Variants in FAM110B observed in about 807,000 individuals in gnomAD.
FAM110B encodes the protein protein FAM110B.
Under a neutral mutation model 20.4 loss-of-function variants are expected in FAM110B, and 6 were observed. The observed-to-expected ratio is 0.29, with a 90% CI of 0.16 to 0.58. The LOEUF (loss-of-function observed/expected upper bound fraction) is 0.58. Ranked by LOEUF, FAM110B falls within the 20% of genes least tolerant of loss-of-function variation. FAM110B has a pLI of 0.90. For missense variants in FAM110B, 434 were observed against 498.2 expected (o/e 0.87, Z 1.23); for synonymous variants, 226 against 214.1 (o/e 1.06, Z -0.49).
chr8:58,124,593 C>T (rs1807445529), intron 3 of FAM110B, among the ~76,000 whole-genome samples: 1 of 152,226 alleles, frequency 6.6e-6, no homozygotes, highest in African/African-American at 2.4e-5. Flanking sequence ...TAGGAAGGCG[C>T]ATCCTAAATA....
chr8:58,082,033 A>G lies in FAM110B; in HGVS notation c.-325+6410A>G, dbSNP rs546825387. Among the ~76,000 whole-genome samples the G allele has an allele frequency of 3.9e-5, 6 of 152,318 alleles. No individual in the cohort carries two copies. The South Asian group carries it at 1.2e-3, about 32-fold the overall frequency. ...AGGCTCTTAGATGCTCAAGGGGATG[A>G]ATAAATAAGCCTTGCCCTCCCAACT... On this transcript the variant is annotated intron_variant, in intron 3 of 3. Coordinates refer to ENST00000519262, the MANE Select transcript of FAM110B (RefSeq NM_001377989.1).
chr8:58,014,931 A>C (rs865795686), intron 1 of FAM110B, among the ~76,000 whole-genome samples: 3 of 152,232 alleles, frequency 2.0e-5, no homozygotes, highest in Non-Finnish European at 2.9e-5. Context: ...TAGGCCATGA[A>C]AATGTACTTA....
At chr8:57,995,800 G>C (rs1205368289) in intron 1 of FAM110B, among the ~76,000 whole-genome samples, 1 of 152,216 alleles carries the variant, frequency 6.6e-6, no homozygotes, top group African/African-American at 2.4e-5. Flanking sequence ...CTAAAAAATA[G>C]GCAACCTCTG....
At position 58,148,403 on chromosome 8, in the gene FAM110B, TA is replaced by T; in HGVS notation, c.*1061del. On this transcript the variant is annotated 3_prime_UTR_variant, in exon 4 of 4. Transcript: ENST00000519262. The stretch of plus-strand genomic sequence containing the variant: ...CGTGATTCTGTTGTCTTGCATATGT[TA>T]TTCTCTCAGGCTGTGGATCTTTGTT... The T allele has an allele frequency of 6.0e-6, 1 of 167,198 alleles. No homozygotes were observed. The highest frequency in any genetic ancestry group is 1.9e-4 in the East Asian group (1 of 5,186). The allele number at this position is 167,198 out of a possible 1,614,324, so 10.4% of individuals were successfully genotyped here. A position where few individuals can be genotyped will look rare whatever the true frequency, so the allele number is the denominator to read the frequency against.
chr8:58,136,279 G>T (rs535547772), intron 3 of FAM110B, among the ~76,000 whole-genome samples: 15 of 152,020 alleles, frequency 9.9e-5, no homozygotes, highest in Non-Finnish European at 1.9e-4. Flanking sequence ...CAAAGTGCTG[G>T]GATTATAGGC....
At chr8:58,049,951 A>G (rs747166834) in intron 2 of FAM110B, among the ~76,000 whole-genome samples, 1 of 152,246 alleles carries the variant, frequency 6.6e-6, no homozygotes, top group African/African-American at 2.4e-5. Context: ...ATTTTGATGA[A>G]TAAAAGATGA....
chr8:58,070,729 C>T (rs1301945827), intron 2 of FAM110B, among the ~76,000 whole-genome samples: 1 of 152,134 alleles, frequency 6.6e-6, no homozygotes, highest in Admixed American at 6.5e-5. Flanking sequence ...GCATTGAGTC[C>T]ACACTGTCCT....
intron 3 of FAM110B, among the ~76,000 whole-genome samples, chr8:58,076,599 G>A (rs1806043373): frequency 6.6e-6 from 1 of 152,186 alleles, no homozygotes. Context: ...AAAGAGCTAA[G>A]GAAGTGGAAG....
intron 3 of FAM110B, among the ~76,000 whole-genome samples, chr8:58,131,163 C>T (rs1452227040): frequency 6.6e-6 from 1 of 152,200 alleles, no homozygotes; most frequent in African/African-American, 2.4e-5. Context: ...TCATTATTCT[C>T]TGGGTTCAAA....
intron 3 of FAM110B, among the ~76,000 whole-genome samples, chr8:58,102,318 G>T (rs180737636): frequency 5.3e-4 from 80 of 152,254 alleles, no homozygotes; most frequent in African/African-American, 1.8e-3. Context: ...CTGTTTGAGA[G>T]CAAAAATATT....
intron 1 of FAM110B, among the ~76,000 whole-genome samples, chr8:58,015,874 G>A (rs1465653591): frequency 1.3e-5 from 2 of 150,600 alleles, no homozygotes; most frequent in Non-Finnish European, 3.0e-5. Context: ...AAAGAAAAAA[G>A]GCATGAGGAT....
intron 1 of FAM110B, among the ~76,000 whole-genome samples, chr8:58,026,832 T>C (rs997876953): frequency 3.3e-5 from 5 of 152,226 alleles, no homozygotes; most frequent in African/African-American, 9.6e-5. Context: ...ATGGTCATGC[T>C]TCTACATAGG....
chr8:58,019,205 G>A (rs1804694709), intron 1 of FAM110B, among the ~76,000 whole-genome samples: 1 of 151,624 alleles, frequency 6.6e-6, no homozygotes, highest in African/African-American at 2.4e-5. Context: ...GGGTGTGGTG[G>A]CACATGCCTG....
At chr8:58,053,667 A>G (rs1186429827) in intron 2 of FAM110B, among the ~76,000 whole-genome samples, 1 of 152,212 alleles carries the variant, frequency 6.6e-6, no homozygotes, top group African/African-American at 2.4e-5. Flanking sequence ...ATTTTAGACC[A>G]GAGTTTTGGT....
chr8:58,078,460 T>C (rs746292752), intron 3 of FAM110B, among the ~76,000 whole-genome samples: 20 of 152,178 alleles, frequency 1.3e-4, no homozygotes, highest in Non-Finnish European at 2.6e-4. Context: ...TTTTTGTTTC[T>C]TGTTATCTTA....
chr8:58,095,130 T>A (rs1806589360), intron 3 of FAM110B, among the ~76,000 whole-genome samples: 1 of 152,222 alleles, frequency 6.6e-6, no homozygotes, highest in African/African-American at 2.4e-5. Context: ...TCTATTTGAT[T>A]CTTCTCTCCT....
At chr8:58,128,309 A>G (rs1807563554) in intron 3 of FAM110B, among the ~76,000 whole-genome samples, 1 of 152,192 alleles carries the variant, frequency 6.6e-6, no homozygotes, top group Non-Finnish European at 1.5e-5. Flanking sequence ...CTCTGCGTTC[A>G]GTGTTCCACG....
rs775570169 is a variant in FAM110B, at chr8:58,146,269, G to T, written c.39G>T (p.Lys13Asn). 6.2e-7 allele frequency: 1 copy of T among 1,611,396 alleles called. No individual in the cohort carries two copies. The highest frequency in any genetic ancestry group is 8.5e-7 in the Non-Finnish European group (1 of 1,178,294). The stretch of plus-strand genomic sequence containing the variant: ...CCCTACAGACAGGTAGCATGGTGAA[G>T]CCGGTCAGCCCCGCGGGCACCTTCA... ...TETLQTGSMV[K>N]PVSPAGTFTS... Residue 13 changes from lysine to asparagine, a missense_variant, in exon 4 of 4, where the codon AAG becomes AAT. By Grantham distance (94) the Lys-to-Asn change is moderately conservative (BLOSUM62 0). This residue lies in a region of FAM110B where 56 missense variants were observed against 82.1 expected (regional missense o/e 0.68). Transcript: ENST00000519262.
At chr8:58,136,852 A>G (rs1427935995) in intron 3 of FAM110B, among the ~76,000 whole-genome samples, 1 of 152,230 alleles carries the variant, frequency 6.6e-6, no homozygotes, top group African/African-American at 2.4e-5. Context: ...CTTTACTTAC[A>G]AATGAAAATG....
Sources: gnomAD v4.1 joint callset for allele counts (sites outside exome capture counted in the v4.1 genomes callset) on GRCh38, gnomAD v4.1.1 for gene constraint, gnomAD v4.1.1 regional missense constraint, MANE v1.5 for transcripts, NCBI Gene and HGNC (gene_info 2026-07-23, HGNC 2026-07-21) for gene names.